SLC12A3: variants seen among roughly 807,000 people sequenced by gnomAD.
SLC12A3 encodes the protein solute carrier family 12 member 3.
SLC12A3 carries 104 observed loss-of-function variants against 121.0 expected under a neutral mutation model. That is an observed-to-expected ratio of 0.86 (90% CI 0.73 to 1.01). The LOEUF (loss-of-function observed/expected upper bound fraction) is 1.01. SLC12A3 is among the 50% of genes least tolerant of loss of function. The pLI is 0.00. For synonymous variants in SLC12A3, 536 were observed against 533.4 expected (o/e 1.00, Z -0.07); for missense variants, 1,328 against 1,356.3 (o/e 0.98, Z 0.33).
At chr16:56,884,344 C>A in intron 14 of SLC12A3, 140 bp downstream of exon 14, 1 of 876,524 alleles carries the variant, frequency 1.1e-6, no homozygotes, top group Non-Finnish European at 1.8e-6. Context: ...CCCTTTATCC[C>A]TCCCAATGTG....
intron 12 of SLC12A3, among the ~76,000 whole-genome samples, chr16:56,881,594 C>A (rs1342542025): frequency 6.6e-6 from 1 of 151,878 alleles, no homozygotes; most frequent in Non-Finnish European, 1.5e-5. Flanking sequence ...GGCCCCGAGA[C>A]AAGGATTAAT....
chr16:56,872,724 T>A lies in SLC12A3; in HGVS notation c.1033T>A (p.Ser345Thr). 1 of 1,614,250 alleles carries A rather than the reference T, an allele frequency of 6.2e-7. No individual in the cohort carries two copies. The highest frequency in any genetic ancestry group is 8.5e-7 in the Non-Finnish European group (1 of 1,180,044). ...AGATGGCACCTTCTTCGGAATGTTC[T>A]CCATCTTCTTCCCCTCGGCCACAGG... ...GPDGTFFGMF[S>T]IFFPSATGIL... Residue 345 changes from serine (S) to threonine (T), a missense_variant, in exon 8 of 26, where the codon TCC becomes ACC. Transcript: ENST00000563236.
At chr16:56,897,377 T>A (rs1309057050) in intron 22 of SLC12A3, among the ~76,000 whole-genome samples, 1 of 152,154 alleles carries the variant, frequency 6.6e-6, no homozygotes, top group Admixed American at 6.6e-5. Context: ...TTGGCTGTGA[T>A]GCCCCAGGGT....
At chr16:56,869,875 C>G in intron 4 of SLC12A3, 51 bp downstream of exon 4, 1 of 1,540,970 alleles carries the variant, frequency 6.5e-7, no homozygotes, top group Non-Finnish European at 9.0e-7. Flanking sequence ...GCTCCTAATC[C>G]TGGGAACAGG....
chr16:56,865,508 C>T lies in SLC12A3; in HGVS notation c.273C>T (p.Ser91=). ...KVRPTLADLH[S]FLKQEGRHLH... is the part of the protein sequence containing the mutation. ...GGCCCACACTGGCTGACCTGCACTC[C>T]TTCCTCAAGGTAAGTGCTGTCTCAG... The change falls in exon 1 of 26, where the codon TCC becomes TCT. Residue 91 remains serine (S), a synonymous_variant. Transcript: ENST00000563236. 1 of 1,612,402 alleles carries T rather than the reference C, an allele frequency of 6.2e-7. No homozygotes were observed. Among genetic ancestry groups the T allele is most frequent in the South Asian group, 1.1e-5 (1 of 91,086 alleles).
intron 23 of SLC12A3, among the ~76,000 whole-genome samples, chr16:56,902,032 T>A (rs1369175075): frequency 1.3e-5 from 2 of 152,238 alleles, no homozygotes; most frequent in Non-Finnish European, 2.9e-5. Flanking sequence ...TGCTACTTGC[T>A]TATCACCGTG....
At chr16:56,905,876 T>C (rs1221821072) in intron 25 of SLC12A3, among the ~76,000 whole-genome samples, 2 of 152,206 alleles carry the variant, frequency 1.3e-5, no homozygotes, top group African/African-American at 4.8e-5. Context: ...GGGTATCATT[T>C]TTCAAACTTC....
chr16:56,880,047 C>T, intron 11 of SLC12A3, 83 bp from the exon 12 acceptor site: 2 of 1,559,750 alleles, frequency 1.3e-6, no homozygotes, highest in Non-Finnish European at 1.7e-6. Context: ...GGGCACCGAG[C>T]CGGGGCTGGA....
intron 23 of SLC12A3, chr16:56,902,122 A>G: frequency 1.9e-6 from 1 of 530,954 alleles, no homozygotes; most frequent in South Asian, 1.9e-5. Context: ...ATGCTCTGTA[A>G]ATACCTGCTG....
intron 24 of SLC12A3, chr16:56,904,126 T>C (rs778663932): frequency 4.8e-6 from 2 of 416,238 alleles, no homozygotes; most frequent in Non-Finnish European, 9.1e-6. Flanking sequence ...TAAGGTGTTC[T>C]CTCTTCCCTC....
rs1200937984 is a variant in SLC12A3 at position 56,890,272 on chromosome 16, A to G, written c.2286-2A>G. On this transcript the variant is annotated splice_acceptor_variant, in intron 18 of 25. Coordinates refer to ENST00000563236, the MANE Select transcript of SLC12A3 (RefSeq NM_001126108.2). LOFTEE classifies it high-confidence loss of function. ...GCTGGACCTCACCTCCTCTCTTTCC[A>G]GTGATGCCTTTGATTTCAACTATGG... 4 of 1,613,770 alleles carry G rather than the reference A, an allele frequency of 2.5e-6. No homozygotes were observed. The South Asian group carries it at 4.4e-5, about 18-fold the overall frequency.
intron 1 of SLC12A3, 91 bp from the exon 2 acceptor site, chr16:56,866,979 T>G: frequency 2.6e-6 from 4 of 1,553,002 alleles, no homozygotes; most frequent in Non-Finnish European, 3.5e-6. Context: ...GTGCTCGGTA[T>G]GGGGCGCAGT....
rs907863596 is a variant in SLC12A3, at chr16:56,872,887, G to T, written c.1095+101G>T. On this transcript the variant is annotated intron_variant, in intron 8 of 25. Coordinates refer to ENST00000563236, the MANE Select transcript of SLC12A3 (RefSeq NM_001126108.2). ...GTGGCATCTGCCGCTGACCTGGGAG[G>T]CAGGGCTTCTAAAATCCAGTCCAGT... 6.6e-6 allele frequency: 10 copies of T among 1,505,766 alleles called. No individual in the cohort carries two copies. In the African/African-American group the frequency reaches 1.2e-4, roughly 19 times the overall value. 93.3% of individuals were successfully genotyped at this position (1,505,766 alleles called of 1,614,324 possible). A position where few individuals can be genotyped will look rare whatever the true frequency, so the allele number is the denominator to read the frequency against.
At chr16:56,908,469 G>A (rs1374667561) in intron 25 of SLC12A3, among the ~76,000 whole-genome samples, 1 of 151,990 alleles carries the variant, frequency 6.6e-6, no homozygotes, top group African/African-American at 2.4e-5. Context: ...AATTTATAGT[G>A]TAGTCAATTG....
At chr16:56,870,758 G>C (rs776384117) in intron 6 of SLC12A3, 22 bp downstream of exon 6, 1 of 1,458,836 alleles carries the variant, frequency 6.9e-7, no homozygotes, top group South Asian at 1.1e-5. Flanking sequence ...ATGGAGGAGG[G>C]GGACATGGAG....
At chr16:56,869,512 G>A (rs1040126052) in intron 3 of SLC12A3, among the ~76,000 whole-genome samples, 4 of 152,276 alleles carry the variant, frequency 2.6e-5, no homozygotes, top group Admixed American at 2.0e-4. Context: ...ATTTTTAGTA[G>A]AGACGGGGTT....
intron 2 of SLC12A3, 96 bp downstream of exon 2, chr16:56,867,312 G>C: frequency 7.7e-7 from 1 of 1,297,586 alleles, no homozygotes. Flanking sequence ...CCCTGGTGGG[G>C]CTTCAGTTTC....
chr16:56,873,734 CG>C (rs1266110841), intron 8 of SLC12A3, among the ~76,000 whole-genome samples: 7 of 133,698 alleles, frequency 5.2e-5, no homozygotes, highest in African/African-American at 2.0e-4. Context: ...GATGAAGTCT[CG>C]GTCTGTCGCC....
rs2055738104 is a variant in SLC12A3 at position 56,915,351 on chromosome 16, T to C, written c.*1946T>C. 6.6e-6 allele frequency: 1 copy of C among 152,234 alleles called. No homozygotes were observed. Among genetic ancestry groups the C allele is most frequent in the Non-Finnish European group, 1.5e-5 (1 of 68,044 alleles). The allele number at this position is 152,234 out of a possible 1,614,324, so 9.4% of individuals were successfully genotyped here. A position where few individuals can be genotyped will look rare whatever the true frequency, so the allele number is the denominator to read the frequency against. On this transcript the variant is annotated 3_prime_UTR_variant, in exon 26 of 26. Transcript: ENST00000563236. ...TTTAGAAGGAGATCTGAAGTCTCCT[T>C]TCTGGAGTTACAACCCAAAGGATGT...
Sources: allele counts gnomAD v4.1 joint callset (sites outside exome capture counted in the v4.1 genomes callset), GRCh38; gene constraint gnomAD v4.1.1; transcripts MANE v1.5; gene names NCBI Gene and HGNC (gene_info 2026-07-23, HGNC 2026-07-21).